Variants in MIA2 observed in about 807,000 individuals in gnomAD.
MIA2 encodes the protein MIA SH3 domain ER export factor 2.
In MIA2, 127 loss-of-function variants were observed where a neutral mutation model predicts 167.8. The ratio of observed to expected loss-of-function variants is 0.76; its 90% CI spans 0.66 to 0.88. The LOEUF is 0.88. MIA2 is among the 40% of genes least tolerant of loss of function. The pLI is 0.00. For synonymous variants in MIA2, 552 were observed against 541.9 expected, an observed-to-expected ratio of 1.02 and a Z score of -0.26; for missense variants, 1,690 against 1,624.7, an observed-to-expected ratio of 1.04 and a Z score of -0.69.
intron 23 of MIA2, among the ~76,000 whole-genome samples, chr14:39,363,365 A>G (rs1595944141): frequency 6.6e-6 from 1 of 152,170 alleles, no homozygotes; most frequent in East Asian, 1.9e-4. Context: ...TCCTGTCTCT[A>G]CAAAAAATAC....
chr14:39,355,481 A>G (rs2074498378), downstream of MIA2, among the ~76,000 whole-genome samples: 1 of 152,172 alleles, frequency 6.6e-6, no homozygotes, highest in South Asian at 2.1e-4. Flanking sequence ...CTAGATATAC[A>G]ATCATGTCCC....
At chr14:39,234,673 A>G (rs2053652013) in intron 1 of MIA2, among the ~76,000 whole-genome samples, 1 of 152,118 alleles carries the variant, frequency 6.6e-6, no homozygotes, top group Non-Finnish European at 1.5e-5. Context: ...TCTGATTCTC[A>G]TGACGTTCCT....
intron 3 of MIA2, among the ~76,000 whole-genome samples, chr14:39,243,336 C>A (rs1347947854): frequency 6.6e-6 from 1 of 152,002 alleles, no homozygotes; most frequent in African/African-American, 2.4e-5. Flanking sequence ...GGTACTGTAA[C>A]TTTGGGCTGG....
intron 6 of MIA2, among the ~76,000 whole-genome samples, chr14:39,258,566 C>T (rs146021277): frequency 1.3e-5 from 2 of 152,162 alleles, no homozygotes; most frequent in Non-Finnish European, 2.9e-5. Flanking sequence ...TATTACCCAC[C>T]TTCTGAAGCC....
chr14:39,259,006 G>A (rs1047873928), intron 6 of MIA2, among the ~76,000 whole-genome samples: 1 of 152,248 alleles, frequency 6.6e-6, no homozygotes, highest in Non-Finnish European at 1.5e-5. Context: ...CCTGTATGAG[G>A]TGTCTGTTGA....
intron 7 of MIA2, among the ~76,000 whole-genome samples, chr14:39,277,776 ATATATTTATAT>A (rs2058375475): frequency 2.8e-5 from 1 of 35,764 alleles, no homozygotes; most frequent in Non-Finnish European, 6.3e-5. Flanking sequence ...ATATATATAT[ATATATTTATAT>A]TTAAAGAGAT....
In MIA2 at chr14:39,388,298, G is replaced by C. The variant is rs2075297653; in HGVS notation, c.*1346G>C. On this transcript the variant is annotated 3_prime_UTR_variant, in exon 24 of 24. Coordinates refer to the MIA2 transcript ENST00000341502. The surrounding 1 kb of genome is among the most constrained non-coding windows in gnomAD (Gnocchi z 4.1). ...TCCTTCATGTTTTTCTTTTCAAAGAGGCAGTTTTATTTTGCTGCATTGTTA... is the reference window on the plus strand; with the variant it reads ...TCCTTCATGTTTTTCTTTTCAAAGACGCAGTTTTATTTTGCTGCATTGTTA... The C allele has an allele frequency of 6.6e-6, 1 of 152,060 alleles. No homozygotes were observed. The highest frequency in any genetic ancestry group is 2.1e-4 in the South Asian group (1 of 4,822). The allele number at this position is 152,060 out of a possible 1,614,324, so 9.4% of individuals were successfully genotyped here.
chr14:39,260,415 G>A (rs1210690993), intron 6 of MIA2, among the ~76,000 whole-genome samples: 2 of 152,128 alleles, frequency 1.3e-5, no homozygotes, highest in African/African-American at 2.4e-5. Flanking sequence ...GGTGTGAGAT[G>A]GTATCTCATT....
chr14:39,373,388 A>G (rs942821638), intron 23 of MIA2, among the ~76,000 whole-genome samples: 8 of 152,034 alleles, frequency 5.3e-5, no homozygotes, highest in South Asian at 4.1e-4. Flanking sequence ...ACCTAATTGA[A>G]TTAAAAGAAA....
intron 18 of MIA2, 143 bp from the exon 19 acceptor site, chr14:39,313,197 T>C (rs2064665312): frequency 1.1e-5 from 4 of 374,596 alleles, no homozygotes; most frequent in Non-Finnish European, 2.0e-5. Flanking sequence ...ACACAGATAC[T>C]TTTTTTTTCC....
intron 23 of MIA2, among the ~76,000 whole-genome samples, chr14:39,358,004 C>A (rs146712598): frequency 0.021 from 3,257 of 152,220 alleles, 116 homozygotes; most frequent in African/African-American, 0.072. Flanking sequence ...TTCATTTCGA[C>A]TTTGGTGAAT....
chr14:39,358,138 T>C (rs2074578738), intron 23 of MIA2, among the ~76,000 whole-genome samples: 1 of 152,246 alleles, frequency 6.6e-6, no homozygotes, highest in Admixed American at 6.5e-5. Flanking sequence ...GATAATATCC[T>C]GCAGAGTGTT....
In MIA2 at chr14:39,259,962, G is replaced by C. The variant is rs536978787; in HGVS notation, c.1887+6791G>C. ...CTATGAGTGAGAACATGCGGTGTTT[G>C]GTTTTCTGTCCTTGCAATAGTTTGC... On this transcript the variant is annotated intron_variant, in intron 6 of 28. Coordinates refer to ENST00000640607, the MANE Select transcript of MIA2 (RefSeq NM_001329214.4). Among the ~76,000 whole-genome samples the C allele has an allele frequency of 1.1e-4, 16 of 152,124 alleles. No individual in the cohort carries two copies. The East Asian group carries it at 3.1e-3, about 29-fold the overall frequency.
At chr14:39,264,233 G>A (rs1232982387) in intron 6 of MIA2, among the ~76,000 whole-genome samples, 1 of 152,166 alleles carries the variant, frequency 6.6e-6, no homozygotes, top group East Asian at 1.9e-4. Flanking sequence ...ATTCGCTTAG[G>A]ATAATGGCCT....
chr14:39,288,896 A>G (rs902385247), intron 9 of MIA2, among the ~76,000 whole-genome samples: 6 of 152,026 alleles, frequency 3.9e-5, no homozygotes, highest in Admixed American at 3.9e-4. Context: ...TTCATCAGAG[A>G]TATTGACCTG....
intron 24 of MIA2, among the ~76,000 whole-genome samples, chr14:39,325,282 T>C (rs1047158147): frequency 1.3e-5 from 2 of 152,080 alleles, no homozygotes; most frequent in Non-Finnish European, 2.9e-5. Flanking sequence ...TTTTGTTTTC[T>C]GGACAATATA....
Position 39,252,822 on chromosome 14 carries a change from A to G in MIA2, c.1642A>G (p.Ser548Gly), listed in dbSNP as rs2152637949. The part of the protein sequence containing the change: ...VYFEPSSSKD[S>G]DENSKPSVDT... ...TTTTGAACCCTCATCTTCTAAAGATAGTGATGAAAATTCGAAACCATCAGT... is the reference window on the plus strand; with the variant it reads ...TTTTGAACCCTCATCTTCTAAAGATGGTGATGAAAATTCGAAACCATCAGT... The change falls in exon 5 of 29, where the codon AGT becomes GGT. Residue 548 changes from serine (S) to glycine (G), a missense_variant. Transcript: ENST00000640607. 1 of 1,614,004 alleles carries G rather than the reference A, an allele frequency of 6.2e-7. No individual in the cohort carries two copies. The highest frequency in any genetic ancestry group is 8.5e-7 in the Non-Finnish European group (1 of 1,179,888).
In MIA2 at chr14:39,294,399, T is replaced by C. The variant is rs1458872085; in HGVS notation, c.2391+328T>C. On this transcript the variant is annotated intron_variant, in intron 12 of 28. Transcript: ENST00000640607. ...TTTTAGTAGAGGCAGGGTTTCACCA[T>C]GATGGCCAGGCTGGTCTTGAACTCC... 2.6e-5 allele frequency among the ~76,000 whole-genome samples: 4 copies of C among 151,846 alleles called. 1 individual carries two copies. Among genetic ancestry groups the C allele is most frequent in the Admixed American group, 2.6e-4 (4 of 15,246 alleles).
At chr14:39,386,182 G>A in intron 23 of MIA2, 1 of 1,390,524 alleles carries the variant, frequency 7.2e-7, no homozygotes, top group Admixed American at 1.7e-5. Flanking sequence ...TCTTGCCCTT[G>A]CTGGGGGTAA....
Sources: allele counts gnomAD v4.1 joint callset (sites outside exome capture counted in the v4.1 genomes callset), GRCh38; gene constraint gnomAD v4.1.1; non-coding constraint Gnocchi (gnomAD v3.1); transcripts MANE v1.5; gene names NCBI Gene and HGNC (gene_info 2026-07-23, HGNC 2026-07-21).